Variants in LRP1B observed in about 807,000 individuals in gnomAD.
The protein encoded by LRP1B is low-density lipoprotein receptor-related protein 1B.
LRP1B carries 217 observed loss-of-function variants against 556.6 expected under a neutral mutation model. That is an observed-to-expected ratio of 0.39 (90% CI 0.35 to 0.44). The LOEUF (loss-of-function observed/expected upper bound fraction) is 0.44, where lower values mean the gene tolerates loss of function less well. Ranked by LOEUF, LRP1B falls within the 20% of genes least tolerant of loss-of-function variation. The probability of loss-of-function intolerance (pLI) is 1.00; values close to 1 mark genes in which losing one functional copy is unlikely to be tolerated. For synonymous variants in LRP1B, 2,047 were observed against 1,865.8 expected (o/e 1.10, Z -2.50); for missense variants, 5,053 against 5,620.8 (o/e 0.90, Z 3.23).
chr2:140,282,764 T>G (rs928526651), intron 84 of LRP1B, among the ~76,000 whole-genome samples: 1 of 151,810 alleles, frequency 6.6e-6, no homozygotes, highest in Non-Finnish European at 1.5e-5. Flanking sequence ...TCCACTGCAG[T>G]CTCTCATTCC....
Position 140,795,595 on chromosome 2 carries a change from A to C in LRP1B, c.5359+18062T>G, listed in dbSNP as rs541610217. Among the ~76,000 whole-genome samples the C allele has an allele frequency of 1.1e-3, 168 of 152,270 alleles. 1 individual carries two copies. The highest frequency in any genetic ancestry group is 3.9e-3 in the African/African-American group (162 of 41,546). ...ATACTGATTATGAAAAGAGAGAAAA[A>C]CAAGTCTAAACACAATGATATTCAG... On this transcript the variant is annotated intron_variant, in intron 32 of 90. Transcript: ENST00000389484.
At chr2:140,678,378 TAGAA>T (rs1238808770) in intron 41 of LRP1B, among the ~76,000 whole-genome samples, 1 of 152,188 alleles carries the variant, frequency 6.6e-6, no homozygotes, top group African/African-American at 2.4e-5. Flanking sequence ...AGATATTTGT[TAGAA>T]AGATTCATGT....
chr2:141,034,873 C>A (rs1256007653), intron 11 of LRP1B, among the ~76,000 whole-genome samples: 2 of 150,412 alleles, frequency 1.3e-5, no homozygotes, highest in Non-Finnish European at 3.0e-5. Flanking sequence ...ACCCAAAGGA[C>A]TATGATTCAT....
intron 1 of LRP1B, among the ~76,000 whole-genome samples, chr2:142,024,349 G>T (rs1444725373): frequency 2.0e-5 from 3 of 152,158 alleles, no homozygotes; most frequent in African/African-American, 4.8e-5. Flanking sequence ...ACTTTGACCT[G>T]CATCAGAGTC....
chr2:141,842,993 A>G (rs1697528216), intron 1 of LRP1B, among the ~76,000 whole-genome samples: 1 of 152,176 alleles, frequency 6.6e-6, no homozygotes, highest in Non-Finnish European at 1.5e-5. Flanking sequence ...ACTGTGGCTT[A>G]CCAGCAACAA....
At chr2:141,092,914 G>A (rs907428046) in intron 7 of LRP1B, among the ~76,000 whole-genome samples, 2 of 152,122 alleles carry the variant, frequency 1.3e-5, no homozygotes, top group Non-Finnish European at 2.9e-5. Context: ...TGATTTCAGT[G>A]GTTTAGGAGA....
chr2:141,550,681 T>C (rs1483587174), intron 2 of LRP1B, among the ~76,000 whole-genome samples: 1 of 152,124 alleles, frequency 6.6e-6, no homozygotes, highest in Non-Finnish European at 1.5e-5. Context: ...TTTTTCTAGA[T>C]TGCTTTCTAA....
intron 7 of LRP1B, among the ~76,000 whole-genome samples, chr2:141,070,927 C>T (rs933362605): frequency 8.5e-5 from 13 of 152,198 alleles, no homozygotes; most frequent in African/African-American, 2.6e-4. Context: ...ACCAGAGGTA[C>T]AAGGAGAAAC....
Position 140,662,173 on chromosome 2 carries a change from A to C in LRP1B, c.6799+38077T>G, listed in dbSNP as rs559225154. Among the ~76,000 whole-genome samples, 4 of 152,038 alleles carry C rather than the reference A, an allele frequency of 2.6e-5. No individual in the cohort carries two copies. The South Asian group carries it at 8.3e-4, about 32-fold the overall frequency. On this transcript the variant is annotated intron_variant, in intron 41 of 90. Coordinates refer to ENST00000389484, the MANE Select transcript of LRP1B (RefSeq NM_018557.3). ...ATATCCATTATATATTACTACATAT[A>C]TATATCCGCTATATATATACTATTA...
At chr2:141,129,222 G>T (rs1358952500) in intron 7 of LRP1B, among the ~76,000 whole-genome samples, 1 of 151,980 alleles carries the variant, frequency 6.6e-6, no homozygotes, top group Non-Finnish European at 1.5e-5. Context: ...AACAAATGGA[G>T]AAACAATCAT....
intron 41 of LRP1B, among the ~76,000 whole-genome samples, chr2:140,650,309 TTTTATTTATTTATTTATTTA>T (rs67816685): frequency 2.0e-3 from 272 of 137,982 alleles, no homozygotes; most frequent in Admixed American, 4.1e-3. Flanking sequence ...TTATTTTTAT[TTTTATTTATTTATTTATTTA>T]TTTATTTATT....
intron 41 of LRP1B, among the ~76,000 whole-genome samples, chr2:140,620,420 G>T (rs1683408731): frequency 6.6e-6 from 1 of 152,086 alleles, no homozygotes; most frequent in Non-Finnish European, 1.5e-5. Context: ...ACTCCCAGAA[G>T]GTCTGTATAT....
chr2:140,335,849 AC>A lies in LRP1B; in HGVS notation c.11893-12del, dbSNP rs773704156. The A allele has an allele frequency of 2.6e-5, 39 of 1,495,290 alleles. 1 individual carries two copies. The African/African-American group carries it at 3.6e-4, about 14-fold the overall frequency. 92.6% of individuals were successfully genotyped at this position (1,495,290 alleles called of 1,614,324 possible). ...TTTAAATTCAGGACACTACAAGGAA[AC>A]AAAACAACACACCACGGTATTTTCA... On this transcript the variant is annotated splice_polypyrimidine_tract_variant and intron_variant, in intron 77 of 90. Coordinates refer to ENST00000389484, the MANE Select transcript of LRP1B (RefSeq NM_018557.3).
chr2:142,000,820 A>C (rs919570746), intron 1 of LRP1B, among the ~76,000 whole-genome samples: 1 of 152,154 alleles, frequency 6.6e-6, no homozygotes, highest in African/African-American at 2.4e-5. Flanking sequence ...AGCCCAGATC[A>C]CCCAAATATT....
intron 1 of LRP1B, among the ~76,000 whole-genome samples, chr2:141,998,679 T>C (rs1161507533): frequency 6.6e-6 from 1 of 152,118 alleles, no homozygotes; most frequent in Non-Finnish European, 1.5e-5. Context: ...TAGGGGAATA[T>C]AAGACAATCA....
chr2:142,094,449 A>C (rs1706284153), intron 1 of LRP1B, among the ~76,000 whole-genome samples: 2 of 152,178 alleles, frequency 1.3e-5, no homozygotes, highest in South Asian at 4.1e-4. Context: ...GTTGTAAAAT[A>C]CTTCAACTGA....
At chr2:140,590,282 C>A (rs984954243) in intron 43 of LRP1B, among the ~76,000 whole-genome samples, 3 of 143,596 alleles carry the variant, frequency 2.1e-5, no homozygotes, top group Middle Eastern at 3.6e-3. Context: ...GTATATATAT[C>A]TATATATGCA....
chr2:140,935,119 A>G lies in LRP1B; in HGVS notation c.3137-11972T>C, dbSNP rs983874900. ...TCAACAAAAACAAAAATCACAAGGC[A>G]TGCAAAGAAGAGTATATTATTCAAA... On this transcript the variant is annotated intron_variant, in intron 20 of 90. Coordinates refer to ENST00000389484, the MANE Select transcript of LRP1B (RefSeq NM_018557.3). Among the ~76,000 whole-genome samples the G allele has an allele frequency of 2.0e-5, 3 of 152,260 alleles. No individual in the cohort carries two copies. In the East Asian group the frequency reaches 5.8e-4, roughly 29 times the overall value.
intron 2 of LRP1B, among the ~76,000 whole-genome samples, chr2:141,635,498 A>T (rs1468832813): frequency 6.6e-6 from 1 of 152,328 alleles, no homozygotes; most frequent in Middle Eastern, 3.4e-3. Flanking sequence ...CTGTTCACTT[A>T]AAAATGTTTA....
Sources: allele counts gnomAD v4.1 joint callset (sites outside exome capture counted in the v4.1 genomes callset), GRCh38; gene constraint gnomAD v4.1.1; transcripts MANE v1.5; gene names NCBI Gene and HGNC (gene_info 2026-07-23, HGNC 2026-07-21).